MTMR8: variants seen among roughly 807,000 people sequenced by gnomAD.
MTMR8 encodes the protein phosphatidylinositol-3,5-bisphosphate 3-phosphatase MTMR8.
Under a neutral mutation model 39.3 loss-of-function variants are expected in MTMR8, and 65 were observed. That is an observed-to-expected ratio of 1.65 (90% CI 1.35 to 2.03). MTMR8 has a LOEUF of 2.03. MTMR8 is among the 30% of genes most tolerant of loss of function. The pLI is 0.00. For missense variants in MTMR8, 777 were observed against 538.9 expected, an observed-to-expected ratio of 1.44 and a Z score of -4.37; for synonymous variants, 245 against 185.2, an observed-to-expected ratio of 1.32 and a Z score of -2.62.
At chrX:64,301,245 G>A (rs1342532806) in intron 12 of MTMR8, among the ~76,000 whole-genome samples, 1 of 107,692 alleles carries the variant, frequency 9.3e-6, no homozygotes, top group Non-Finnish European at 1.9e-5. Context: ...TTTTCACATA[G>A]TCCCATATTT....
chrX:64,374,736 C>T (rs762941640), intron 1 of MTMR8, among the ~76,000 whole-genome samples: 1 of 111,000 alleles, frequency 9.0e-6, no homozygotes, highest in Non-Finnish European at 1.9e-5. Context: ...GGGGTCTTTG[C>T]AGATATAAGT....
chrX:64,271,398 A>C (rs1012197516), intron 12 of MTMR8, among the ~76,000 whole-genome samples: 2 of 112,117 alleles, frequency 1.8e-5, no homozygotes, highest in African/African-American at 6.5e-5. Context: ...TGACATCAGC[A>C]AGATGGCAGA....
At chrX:64,355,125 G>A (rs1923589928) in intron 3 of MTMR8, among the ~76,000 whole-genome samples, 191 bp from the exon 4 acceptor site, 1 of 111,594 alleles carries the variant, frequency 9.0e-6, no homozygotes, top group African/African-American at 3.3e-5. Context: ...TGGGTTCTTT[G>A]AAAAAATGTT....
Position 64,342,034 on chromosome X carries a change from A to G in MTMR8, c.975+1577T>C, listed in dbSNP as rs373530046. Among the ~76,000 whole-genome samples, 7 of 112,477 alleles carry G rather than the reference A, an allele frequency of 6.2e-5. No individual in the cohort carries two copies. In the East Asian group the frequency reaches 1.7e-3, roughly 27 times the overall value. Reference sequence around the variant, plus strand: ...AGCCAAGCTGGGGCGACATTGTGAAAGACTCTGAATGTCAAGCTTATGGGG... The same window carrying G: ...AGCCAAGCTGGGGCGACATTGTGAAGGACTCTGAATGTCAAGCTTATGGGG... On this transcript the variant is annotated intron_variant, in intron 8 of 13. Transcript: ENST00000374852.
intron 12 of MTMR8, among the ~76,000 whole-genome samples, chrX:64,288,038 A>AAAAAAAAAAAAAAAAAAAAAAAAAAAAC (rs1569210594): frequency 1.2e-5 from 1 of 80,854 alleles, no homozygotes; most frequent in Non-Finnish European, 2.4e-5. Context: ...AAAAAAAAAA[A>AAAAAAAAAAAAAAAAAAAAAAAAAAAAC]AAAAAAAAAA....
chrX:64,360,673 C>T (rs1448962618), intron 1 of MTMR8, among the ~76,000 whole-genome samples: 1 of 110,854 alleles, frequency 9.0e-6, no homozygotes, highest in East Asian at 2.8e-4. Context: ...TTTGAAAACA[C>T]AATAGCTTAT....
chrX:64,337,507 A>T, intron 8 of MTMR8, 114 bp from the exon 9 acceptor site: 1 of 832,442 alleles, frequency 1.2e-6, no homozygotes, highest in Non-Finnish European at 1.7e-6. Context: ...TATGGGCTAC[A>T]TTAATTTTTT....
chrX:64,311,284 G>T (rs1264451994), intron 12 of MTMR8, among the ~76,000 whole-genome samples: 1 of 111,899 alleles, frequency 8.9e-6, no homozygotes, highest in African/African-American at 3.2e-5. Flanking sequence ...TCTGTTGGCT[G>T]CATAAATGTC....
At chrX:64,303,520 A>T (rs188246506) in intron 12 of MTMR8, among the ~76,000 whole-genome samples, 1,547 of 112,253 alleles carry the variant, frequency 0.014, 13 homozygotes, top group Non-Finnish European at 0.02. Context: ...GGTTAACGTG[A>T]TATATTTCTT....
chrX:64,268,597 C>G lies in MTMR8; in HGVS notation c.2055G>C (p.Leu685Phe). 1 of 1,211,293 alleles carries G rather than the reference C, an allele frequency of 8.3e-7. No individual in the cohort carries two copies. Among genetic ancestry groups the G allele is most frequent in the South Asian group, 1.8e-5 (1 of 56,875 alleles). The change falls in exon 14 of 14, where the codon TTG becomes TTC. Residue 685 changes from leucine to phenylalanine, a missense_variant. Coordinates refer to ENST00000374852, the MANE Select transcript of MTMR8 (RefSeq NM_017677.4). The part of the protein sequence containing the change: ...ARGFSGDMGI[L>F]GDTGISKAST... ...TGGCCTTGGAGATGCCTGTGTCCCC[C>G]AAGATGCCCATGTCCCCAGAGAAAC...
At chrX:64,383,481 A>T (rs1360214521) in intron 1 of MTMR8, among the ~76,000 whole-genome samples, 1 of 109,142 alleles carries the variant, frequency 9.2e-6, no homozygotes, top group Non-Finnish European at 1.9e-5. Context: ...ATTATATATT[A>T]TATAATTTGG....
intron 12 of MTMR8, among the ~76,000 whole-genome samples, chrX:64,285,316 C>G: frequency 9.0e-6 from 1 of 111,618 alleles, no homozygotes; most frequent in Non-Finnish European, 1.9e-5. Context: ...CACCCAGATT[C>G]ATAAAGCAAG....
Position 64,308,282 on chromosome X carries a change from G to T in MTMR8, c.1481+20490C>A, listed in dbSNP as rs967376066. On this transcript the variant is annotated intron_variant, in intron 12 of 13. Transcript: ENST00000374852. ...CCATTCTCCTGTCTCAGCCTCCAGA[G>T]CAGCTGGGACTACAGGTGCCTGCCA... 3.4e-4 allele frequency among the ~76,000 whole-genome samples: 36 copies of T among 107,407 alleles called. No individual in the cohort carries two copies. The Admixed American group carries it at 3.5e-3, about 10-fold the overall frequency. 93.3% of individuals were successfully genotyped at this position (107,407 alleles called of 115,157 possible).
intron 10 of MTMR8, among the ~76,000 whole-genome samples, chrX:64,334,750 A>G (rs2147222891): frequency 9.0e-6 from 1 of 110,732 alleles, no homozygotes; most frequent in Non-Finnish European, 1.9e-5. Flanking sequence ...CAAACACATC[A>G]GGGCTAGAAT....
At position 64,354,778 on chromosome X, in the gene MTMR8, T is replaced by G; in HGVS notation, c.467A>C (p.Glu156Ala). ...GGCAAACAACAAGGACAAAATTACC[T>G]CATAGTTTCTGTTGGCATCTGTTAT... is the stretch of plus-strand genomic sequence containing the variant. Reference protein sequence around the residue: ...WTITDANRNYEICSTYPPEIV... With the variant: ...WTITDANRNYAICSTYPPEIV... Residue 156 changes from glutamate to alanine, a missense_variant and splice_region_variant, in exon 4 of 14, where the codon GAG (glutamate) becomes GCG (alanine). Physicochemically the swap from Glu to Ala is moderately radical, Grantham distance 107. Coordinates refer to ENST00000374852, the MANE Select transcript of MTMR8 (RefSeq NM_017677.4). 5 of 1,175,782 alleles carry G rather than the reference T, an allele frequency of 4.3e-6. No homozygotes were observed. Among genetic ancestry groups the G allele is most frequent in the Non-Finnish European group, 5.7e-6 (5 of 879,108 alleles).
chrX:64,333,208 A>C (rs1433034655), intron 10 of MTMR8, among the ~76,000 whole-genome samples: 3 of 111,968 alleles, frequency 2.7e-5, no homozygotes, highest in Non-Finnish European at 5.6e-5. Flanking sequence ...GCTGTGTTTT[A>C]ACTGCTCTCA....
At chrX:64,305,842 A>C (rs1438469426) in intron 12 of MTMR8, 5 of 306,695 alleles carry the variant, frequency 1.6e-5, no homozygotes, top group Non-Finnish European at 3.0e-5. Flanking sequence ...CAGGCTGGGC[A>C]TGGTGGCTCA....
chrX:64,311,339 TG>T (rs1259662402), intron 12 of MTMR8, among the ~76,000 whole-genome samples: 27 of 111,706 alleles, frequency 2.4e-4, no homozygotes, highest in African/African-American at 8.1e-4. Flanking sequence ...CACTTTTTGA[TG>T]GGGTTTTTTT....
At position 64,323,117 on chromosome X, in the gene MTMR8, C is replaced by T. The variant is rs141504451; in HGVS notation, c.1481+5655G>A. ...GACATGTTGCTTCCATGGAGCCCTG[C>T]CCCAAACTGGCAGACTTCTGCTGCC... On this transcript the variant is annotated intron_variant, in intron 12 of 13. Coordinates refer to ENST00000374852, the MANE Select transcript of MTMR8 (RefSeq NM_017677.4). Among the ~76,000 whole-genome samples the T allele has an allele frequency of 1.3e-3, 149 of 112,228 alleles. 1 individual carries two copies. Among genetic ancestry groups the T allele is most frequent in the African/African-American group, 4.3e-3 (133 of 30,929 alleles).
Sources: gnomAD v4.1 joint callset for allele counts (sites outside exome capture counted in the v4.1 genomes callset) on GRCh38, gnomAD v4.1.1 for gene constraint, MANE v1.5 for transcripts, NCBI Gene and HGNC (gene_info 2026-07-23, HGNC 2026-07-21) for gene names.